MCM10: variants seen among roughly 807,000 people sequenced by gnomAD.
The protein encoded by MCM10 is protein MCM10 homolog.
Under a neutral mutation model 109.9 loss-of-function variants are expected in MCM10, and 91 were observed. The ratio of observed to expected loss-of-function variants is 0.83; its 90% CI spans 0.70 to 0.99. The LOEUF is 0.99. MCM10 is among the 50% of genes least tolerant of loss of function. MCM10 has a pLI of 0.00. For synonymous variants in MCM10, 380 were observed against 387.2 expected (o/e 0.98, Z 0.22); for missense variants, 1,077 against 1,061.2 (o/e 1.01, Z -0.21).
At chr10:13,177,620 C>CCAGCACTTA (rs1834159136) in intron 6 of MCM10, among the ~76,000 whole-genome samples, 1 of 151,030 alleles carries the variant, frequency 6.6e-6, no homozygotes, top group African/African-American at 2.4e-5. Context: ...ACCTGTAATC[C>CCAGCACTTA]CAGCACTTAG....
Position 13,197,693 on chromosome 10 carries a change from A to C in MCM10, c.2045A>C (p.Lys682Thr), listed in dbSNP as rs749896061. 1 of 1,614,150 alleles carries C rather than the reference A, an allele frequency of 6.2e-7. No homozygotes were observed. Among genetic ancestry groups the C allele is most frequent in the South Asian group, 1.1e-5 (1 of 91,072 alleles). Residue 682 changes from lysine to threonine, a missense_variant, in exon 15 of 20, where the codon AAG becomes ACG. Coordinates refer to ENST00000378714, the MANE Select transcript of MCM10 (RefSeq NM_018518.5). ...LTKTNPNSIKKKQKDPQDILE... is the reference protein window; with the variant it reads ...LTKTNPNSIKTKQKDPQDILE... ...AAAACAAACCCAAACAGCATTAAGA[A>C]GAAACAAAAGGACCCTCAGGACATC... is the stretch of plus-strand genomic sequence containing the variant.
In MCM10 at chr10:13,191,407, T is replaced by C. The variant is rs375487174; in HGVS notation, c.1516+8T>C. 6.2e-7 allele frequency: 1 copy of C among 1,608,560 alleles called. No homozygotes were observed. Among genetic ancestry groups the C allele is most frequent in the Non-Finnish European group, 8.5e-7 (1 of 1,174,924 alleles). On this transcript the variant is annotated splice_region_variant and intron_variant, in intron 11 of 19. Coordinates refer to ENST00000378714, the MANE Select transcript of MCM10 (RefSeq NM_018518.5). ...AAACACGGCAAAAACTCGGTAACTT[T>C]GTTTTTCCATAAGAAATTTCTTTCT...
chr10:13,203,124 C>A (rs909838369), intron 17 of MCM10, among the ~76,000 whole-genome samples: 1 of 152,170 alleles, frequency 6.6e-6, no homozygotes, highest in African/African-American at 2.4e-5. Flanking sequence ...GGATTACAGG[C>A]ATGAGCCACC....
chr10:13,188,868 C>A lies in MCM10; in HGVS notation c.1216-13C>A. On this transcript the variant is annotated splice_polypyrimidine_tract_variant and intron_variant, in intron 9 of 19. Coordinates refer to ENST00000378714, the MANE Select transcript of MCM10 (RefSeq NM_018518.5). ...TTGCCCTCATCCTGATGCCACTGCT[C>A]TGCCTTTTGCAGCGTGACTGTGAGT... 1 of 1,613,528 alleles carries A rather than the reference C, an allele frequency of 6.2e-7. No homozygotes were observed. Among genetic ancestry groups the A allele is most frequent in the South Asian group, 1.1e-5 (1 of 91,050 alleles).
intron 2 of MCM10, among the ~76,000 whole-genome samples, chr10:13,169,565 G>A (rs1460522321): frequency 1.3e-5 from 2 of 152,170 alleles, no homozygotes; most frequent in Non-Finnish European, 2.9e-5. Context: ...ACGGATACAC[G>A]ATTACAGCGT....
Position 13,192,316 on chromosome 10 carries a change from G to A in MCM10, c.1578G>A (p.Thr526=), listed in dbSNP as rs148826951. 26 of 1,614,162 alleles carry A rather than the reference G, an allele frequency of 1.6e-5. No homozygotes were observed. Among genetic ancestry groups the A allele is most frequent in the African/African-American group, 1.5e-4 (11 of 75,036 alleles). Residue 526 remains threonine (T), a synonymous_variant, in exon 12 of 20, where the codon ACG becomes ACA. Transcript: ENST00000378714. The part of the protein sequence containing the change: ...EEFKELMDLP[T]CGARNLKQHL... Reference sequence around the variant, plus strand: ...TCAAGGAACTGATGGACCTGCCGACGTGTGGAGCCAGGAACTTAAAACAAC... The same window carrying A: ...TCAAGGAACTGATGGACCTGCCGACATGTGGAGCCAGGAACTTAAAACAAC...
In MCM10 at chr10:13,175,367, C is replaced by G. The variant is rs1413301304; in HGVS notation, c.593-143C>G. The G allele has an allele frequency of 8.1e-5, 52 of 638,970 alleles. No homozygotes were observed. The East Asian group carries it at 1.6e-3, about 19-fold the overall frequency. The allele number at this position is 638,970 out of a possible 1,614,324, so 39.6% of individuals were successfully genotyped here. ...CAGGAGATGGAGGTTGCAGTGATCC[C>G]AGATCACGCCACCATTGCACTCCTG... On this transcript the variant is annotated intron_variant, in intron 5 of 19. Transcript: ENST00000378714.
In MCM10 at chr10:13,182,992, C is replaced by T; in HGVS notation, c.990C>T (p.Ser330=). 6.2e-7 allele frequency: 1 copy of T among 1,614,034 alleles called. No homozygotes were observed. The highest frequency in any genetic ancestry group is 8.5e-7 in the Non-Finnish European group (1 of 1,179,952). The stretch of plus-strand genomic sequence containing the variant: ...TTCGTGACCTGACACAATGTGTGTC[C>T]TTGTTCTTATTTGGAGAAGTTCACA... ...NDLRDLTQCV[S]LFLFGEVHKA... is the part of the protein sequence containing the mutation. Residue 330 remains serine, a synonymous_variant, in exon 8 of 20, where the codon TCC becomes TCT. Coordinates refer to ENST00000378714, the MANE Select transcript of MCM10 (RefSeq NM_018518.5). The surrounding 1 kb of genome is among the most constrained non-coding windows in gnomAD (Gnocchi z 4.2).
intron 2 of MCM10, among the ~76,000 whole-genome samples, chr10:13,169,270 G>A (rs191642947): frequency 4.8e-4 from 73 of 152,234 alleles, no homozygotes; most frequent in Admixed American, 2.2e-3. Flanking sequence ...CCATGGACGC[G>A]GCAACCCATT....
intron 13 of MCM10, 144 bp downstream of exon 13, chr10:13,192,712 C>G: frequency 1.4e-6 from 1 of 704,148 alleles, no homozygotes; most frequent in East Asian, 2.7e-5. Flanking sequence ...TTTCCCATAA[C>G]CTGAATAGCA....
At chr10:13,190,556 A>G (rs1323588676) in intron 10 of MCM10, among the ~76,000 whole-genome samples, 1 of 152,076 alleles carries the variant, frequency 6.6e-6, no homozygotes, top group East Asian at 1.9e-4. Context: ...ATGGTGGCAC[A>G]TGCCTGTAGT....
intron 17 of MCM10, among the ~76,000 whole-genome samples, chr10:13,203,459 G>A (rs1292466494): frequency 4.6e-5 from 7 of 152,012 alleles, no homozygotes; most frequent in African/African-American, 1.2e-4. Flanking sequence ...CTGCAGCCTC[G>A]ATTCCCCTTC....
intron 6 of MCM10, 88 bp from the exon 7 acceptor site, chr10:13,180,354 G>C (rs1044605347): frequency 1.6e-5 from 19 of 1,179,698 alleles, no homozygotes; most frequent in Admixed American, 8.1e-5. Flanking sequence ...AGAGGTTTCT[G>C]ACCATCACAC....
At chr10:13,184,331 G>A (rs1834247699) in intron 8 of MCM10, among the ~76,000 whole-genome samples, 1 of 152,144 alleles carries the variant, frequency 6.6e-6, no homozygotes, top group East Asian at 1.9e-4. Flanking sequence ...CATCAAGAAA[G>A]CAGTGTTTTA....
rs1355540256 is a variant in MCM10 at position 13,182,683 on chromosome 10, C to CT, written c.931-249dup. Among the ~76,000 whole-genome samples the CT allele has an allele frequency of 6.6e-6, 1 of 152,082 alleles. No individual in the cohort carries two copies. Among genetic ancestry groups the CT allele is most frequent in the Non-Finnish European group, 1.5e-5 (1 of 68,022 alleles). On this transcript the variant is annotated intron_variant, in intron 7 of 19. Transcript: ENST00000378714. The surrounding 1 kb of genome is among the most constrained non-coding windows in gnomAD (Gnocchi z 4.2). ...AGACCCGAGATAACTAGAGACTCTGCTAACAAGTTTGCCACTGGCTTGCTT... is the reference window on the plus strand; with the variant it reads ...AGACCCGAGATAACTAGAGACTCTGCTTAACAAGTTTGCCACTGGCTTGCTT...
chr10:13,209,032 G>A (rs935763340), intron 18 of MCM10, 59 bp from the exon 19 acceptor site: 21 of 1,246,914 alleles, frequency 1.7e-5, no homozygotes, highest in African/African-American at 2.9e-5. Context: ...GAGCACCGTC[G>A]TCTTTACATG....
chr10:13,196,524 ATT>A (rs1242712424), intron 14 of MCM10, among the ~76,000 whole-genome samples: 3 of 151,664 alleles, frequency 2.0e-5, no homozygotes, highest in Admixed American at 2.0e-4. Flanking sequence ...TTATATATAT[ATT>A]TTTTGAGATG....
rs963043702 is a variant in MCM10 at position 13,180,762 on chromosome 10, C to T, written c.930+155C>T. ...CACACATCATTGAGTTGGTATCCAG[C>T]GGGTATAAGCAAAGGATGCCCTATT... is the stretch of plus-strand genomic sequence containing the variant. On this transcript the variant is annotated intron_variant, in intron 7 of 19. Transcript: ENST00000378714. 5.3e-5 allele frequency among the ~76,000 whole-genome samples: 8 copies of T among 152,136 alleles called. No individual in the cohort carries two copies. In the South Asian group the frequency reaches 1.0e-3, roughly 20 times the overall value.
chr10:13,193,212 G>A (rs1308144622), intron 13 of MCM10, among the ~76,000 whole-genome samples: 3 of 151,722 alleles, frequency 2.0e-5, no homozygotes, highest in Admixed American at 2.0e-4. Flanking sequence ...ACAGTTCTTT[G>A]GATAAAGGAC....
Sources: gnomAD v4.1 joint callset for allele counts (sites outside exome capture counted in the v4.1 genomes callset) on GRCh38, gnomAD v4.1.1 for gene constraint, Gnocchi (gnomAD v3.1) non-coding constraint, MANE v1.5 for transcripts, NCBI Gene and HGNC (gene_info 2026-07-23, HGNC 2026-07-21) for gene names.